The following PXDNL variants were observed in gnomAD, a reference collection of about 807,000 sequenced individuals.
PXDNL encodes probable oxidoreductase PXDNL.
In PXDNL, 145 loss-of-function variants were observed where a neutral mutation model predicts 150.8. That is an observed-to-expected ratio of 0.96 (90% CI 0.84 to 1.10). The LOEUF (loss-of-function observed/expected upper bound fraction) is 1.10. Among genes scored for constraint, PXDNL ranks in the 50% least tolerant of loss-of-function variants. The probability of loss-of-function intolerance (pLI) is 0.00; values close to 1 mark genes in which losing one functional copy is unlikely to be tolerated. For missense variants in PXDNL, 2,087 were observed against 1,873.9 expected (o/e 1.11, Z -2.10); for synonymous variants, 757 against 725.7 (o/e 1.04, Z -0.69).
At chr8:51,684,224 T>C (rs761062825) in intron 1 of PXDNL, among the ~76,000 whole-genome samples, 3 of 152,172 alleles carry the variant, frequency 2.0e-5, no homozygotes, top group Non-Finnish European at 4.4e-5. Context: ...TCACATAATC[T>C]CTTTGCAACT....
At chr8:51,577,170 C>A (rs527697209) in intron 3 of PXDNL, among the ~76,000 whole-genome samples, 14 of 151,778 alleles carry the variant, frequency 9.2e-5, no homozygotes, top group African/African-American at 3.4e-4. Flanking sequence ...TAATGCGATA[C>A]CAAAACCTGA....
chr8:51,351,667 A>G (rs1201724566), intron 19 of PXDNL, among the ~76,000 whole-genome samples: 1 of 152,178 alleles, frequency 6.6e-6, no homozygotes, highest in African/African-American at 2.4e-5. Context: ...GACTCCTGGC[A>G]CAGGTTAGCA....
intron 17 of PXDNL, among the ~76,000 whole-genome samples, chr8:51,399,496 C>T (rs1223486123): frequency 1.3e-5 from 2 of 152,090 alleles, no homozygotes; most frequent in African/African-American, 4.8e-5. Flanking sequence ...CGGTGTGATT[C>T]AATTTATGTG....
At chr8:51,432,880 C>T (rs1418540997) in intron 12 of PXDNL, among the ~76,000 whole-genome samples, 2 of 152,144 alleles carry the variant, frequency 1.3e-5, no homozygotes, top group African/African-American at 2.4e-5. Flanking sequence ...TCCATTACAA[C>T]ATTGAGTACA....
chr8:51,323,879 G>A (rs1211882980), intron 21 of PXDNL, among the ~76,000 whole-genome samples: 27 of 150,416 alleles, frequency 1.8e-4, no homozygotes, highest in Admixed American at 1.7e-3. Flanking sequence ...TCATGCCATT[G>A]CACTCCAGCC....
rs1238216161 is a variant in PXDNL, at chr8:51,473,310, C to CACAA, written c.695-1007_695-1006insTTGT. 4.6e-5 allele frequency among the ~76,000 whole-genome samples: 7 copies of CACAA among 151,310 alleles called. No individual in the cohort carries two copies. In the South Asian group the frequency reaches 8.4e-4, roughly 18 times the overall value. Reference sequence around the variant, plus strand: ...ACACACACACACACACACACACACACAAATACATATTAACATATGCGGCAA... The same window carrying CACAA: ...ACACACACACACACACACACACACACACAAAAATACATATTAACATATGCGGCAA... On this transcript the variant is annotated intron_variant, in intron 7 of 22. Coordinates refer to ENST00000356297, the MANE Select transcript of PXDNL (RefSeq NM_144651.5).
chr8:51,426,143 G>A (rs557517480), intron 13 of PXDNL, among the ~76,000 whole-genome samples: 2 of 152,302 alleles, frequency 1.3e-5, no homozygotes, highest in Middle Eastern at 6.8e-3. Flanking sequence ...TATGTTGGAA[G>A]AATATGGCTT....
In PXDNL at chr8:51,654,691, T is replaced by C. The variant is rs745976379; in HGVS notation, c.234A>G (p.Thr78=). 3 of 1,610,904 alleles carry C rather than the reference T, an allele frequency of 1.9e-6. No individual in the cohort carries two copies. Among genetic ancestry groups the C allele is most frequent in the Non-Finnish European group, 2.5e-6 (3 of 1,177,598 alleles). Residue 78 remains threonine (T), a splice_region_variant and synonymous_variant, in exon 2 of 23, where the codon ACA becomes ACG. Transcript: ENST00000356297. ...SAFKKLKNLN[T]LLLNNNHIRK... ...ACAGATAAGCAATAAGTACTCACAG[T>C]GTGTTCAAATTCTTGAGTTTCTTGA...
intron 1 of PXDNL, among the ~76,000 whole-genome samples, chr8:51,699,735 A>G (rs113387826): frequency 1.3e-5 from 2 of 152,154 alleles, no homozygotes; most frequent in African/African-American, 2.4e-5. Flanking sequence ...TTGAGCACTT[A>G]TGGGCCATTG....
At chr8:51,368,342 T>C (rs748539009) in intron 19 of PXDNL, among the ~76,000 whole-genome samples, 1 of 152,148 alleles carries the variant, frequency 6.6e-6, no homozygotes, top group Admixed American at 6.5e-5. Flanking sequence ...AATAACAAGA[T>C]ATAATGATGT....
intron 1 of PXDNL, among the ~76,000 whole-genome samples, chr8:51,742,168 C>G (rs900149270): frequency 2.6e-5 from 4 of 152,278 alleles, no homozygotes; most frequent in East Asian, 1.9e-4. Context: ...ATGAGTCCAT[C>G]TATGCAGCAC....
chr8:51,562,048 A>G (rs1812730282), intron 3 of PXDNL, among the ~76,000 whole-genome samples: 1 of 151,490 alleles, frequency 6.6e-6, no homozygotes, highest in Non-Finnish European at 1.5e-5. Flanking sequence ...ATATTTCAAT[A>G]TTTTCTAAGA....
At chr8:51,581,974 TG>T (rs200552700) in intron 3 of PXDNL, among the ~76,000 whole-genome samples, 3,431 of 152,160 alleles carry the variant, frequency 0.023, 130 homozygotes, top group African/African-American at 0.076. Context: ...ATGGAACACA[TG>T]GGAATATATT....
chr8:51,464,312 C>T (rs1439447356), intron 8 of PXDNL, among the ~76,000 whole-genome samples: 1 of 16,868 alleles, frequency 5.9e-5, no homozygotes, highest in East Asian at 2.2e-3. Flanking sequence ...TGCAGTAAGC[C>T]ATGGTTGCAC....
At chr8:51,605,635 G>A (rs918913712) in intron 2 of PXDNL, among the ~76,000 whole-genome samples, 1 of 152,142 alleles carries the variant, frequency 6.6e-6, no homozygotes, top group Non-Finnish European at 1.5e-5. Flanking sequence ...CCTAAATGTA[G>A]AATAAAAGAA....
At chr8:51,441,209 C>T (rs1750197910) in intron 12 of PXDNL, among the ~76,000 whole-genome samples, 1 of 152,154 alleles carries the variant, frequency 6.6e-6, no homozygotes, top group South Asian at 2.1e-4. Flanking sequence ...GAAGAGGTGT[C>T]TTCTGCCACA....
intron 19 of PXDNL, among the ~76,000 whole-genome samples, chr8:51,346,936 C>T (rs146706549): frequency 5.4e-4 from 82 of 152,084 alleles, no homozygotes; most frequent in Middle Eastern, 3.4e-3. Flanking sequence ...AATACACTCT[C>T]TAAAATTTCA....
At chr8:51,395,681 G>A (rs1381967545) in intron 17 of PXDNL, among the ~76,000 whole-genome samples, 1 of 152,082 alleles carries the variant, frequency 6.6e-6, no homozygotes, top group African/African-American at 2.4e-5. Context: ...ATGTTATAGA[G>A]GAACTGAAAA....
intron 12 of PXDNL, among the ~76,000 whole-genome samples, chr8:51,431,858 G>A (rs1381174516): frequency 1.3e-5 from 2 of 152,040 alleles, no homozygotes; most frequent in East Asian, 3.8e-4. Context: ...TATTGACTGT[G>A]TTTTCCCATT....
Sources: gnomAD v4.1 joint callset for allele counts (sites outside exome capture counted in the v4.1 genomes callset) on GRCh38, gnomAD v4.1.1 for gene constraint, MANE v1.5 for transcripts, NCBI Gene and HGNC (gene_info 2026-07-23, HGNC 2026-07-21) for gene names.